The following SPIN1 variants were observed in gnomAD, a reference collection of about 807,000 sequenced individuals.
SPIN1 encodes spindlin-1.
Under a neutral mutation model 26.0 loss-of-function variants are expected in SPIN1, and 3 were observed. The observed-to-expected ratio is 0.12, with a 90% CI of 0.05 to 0.30. SPIN1 has a LOEUF of 0.30. Ranked by LOEUF, SPIN1 falls within the 10% of genes least tolerant of loss-of-function variation. The pLI is 1.00. For synonymous variants in SPIN1, 101 were observed against 116.5 expected, an observed-to-expected ratio of 0.87 and a Z score of 0.86; for missense variants, 126 against 333.4, an observed-to-expected ratio of 0.38 and a Z score of 4.84.
intron 1 of SPIN1, among the ~76,000 whole-genome samples, chr9:88,390,736 T>G (rs373897802): frequency 1.3e-5 from 2 of 152,230 alleles, no homozygotes; most frequent in East Asian, 3.8e-4. Flanking sequence ...AACAATATTC[T>G]GGAGTTAGAC....
chr9:88,400,145 C>T (rs1052835361), intron 1 of SPIN1, among the ~76,000 whole-genome samples: 6 of 152,178 alleles, frequency 3.9e-5, no homozygotes, highest in Non-Finnish European at 7.3e-5. Flanking sequence ...CTGTCTTCCT[C>T]AGAATCTGCC....
intron 2 of SPIN1, among the ~76,000 whole-genome samples, chr9:88,439,484 T>G (rs1162963793): frequency 6.6e-6 from 1 of 152,238 alleles, no homozygotes; most frequent in Non-Finnish European, 1.5e-5. Flanking sequence ...AAATAAATTT[T>G]GTGTTTAAAC....
chr9:88,416,354 C>T (rs1043039575), intron 1 of SPIN1, among the ~76,000 whole-genome samples: 3 of 151,920 alleles, frequency 2.0e-5, no homozygotes, highest in Non-Finnish European at 2.9e-5. Context: ...GATGGGGTCT[C>T]ATTCTGTCAC....
At chr9:88,398,266 A>AT (rs1288685734) in intron 1 of SPIN1, among the ~76,000 whole-genome samples, 2 of 151,704 alleles carry the variant, frequency 1.3e-5, no homozygotes, top group African/African-American at 4.8e-5. Flanking sequence ...AAGTTCTTGA[A>AT]TTTTTTTGAC....
chr9:88,442,529 G>A (rs1009091367), intron 2 of SPIN1, among the ~76,000 whole-genome samples: 1 of 151,078 alleles, frequency 6.6e-6, no homozygotes, highest in African/African-American at 2.4e-5. Flanking sequence ...TCAGCCTCCC[G>A]AGTAGCTGGG....
intron 1 of SPIN1, among the ~76,000 whole-genome samples, chr9:88,407,470 G>A (rs1827334900): frequency 6.6e-6 from 1 of 151,472 alleles, no homozygotes; most frequent in Non-Finnish European, 1.5e-5. Context: ...CTTCTGATGT[G>A]TACAGAATTC....
intron 2 of SPIN1, among the ~76,000 whole-genome samples, chr9:88,430,068 C>T (rs1474705295): frequency 1.3e-5 from 2 of 152,210 alleles, no homozygotes; most frequent in African/African-American, 4.8e-5. Context: ...GACAAATGCT[C>T]TGCTGCTTCT....
chr9:88,458,439 C>T (rs1302007518), intron 3 of SPIN1, among the ~76,000 whole-genome samples: 3 of 152,094 alleles, frequency 2.0e-5, no homozygotes, highest in Non-Finnish European at 4.4e-5. Flanking sequence ...GTATAATGCT[C>T]AAGAGGGAGG....
At chr9:88,393,384 T>C (rs1177564207) in intron 1 of SPIN1, among the ~76,000 whole-genome samples, 2 of 151,416 alleles carry the variant, frequency 1.3e-5, no homozygotes, top group Non-Finnish European at 2.9e-5. Context: ...TTTGAATTAC[T>C]GTTGCTTAAC....
intron 2 of SPIN1, among the ~76,000 whole-genome samples, chr9:88,439,730 TGCCCCC>T (rs1828079829): frequency 6.6e-6 from 1 of 152,226 alleles, no homozygotes; most frequent in African/African-American, 2.4e-5. Context: ...TTTTATGTAA[TGCCCCC>T]CTTTATCTTT....
At chr9:88,425,906 C>T (rs1827756017) in intron 1 of SPIN1, among the ~76,000 whole-genome samples, 1 of 152,108 alleles carries the variant, frequency 6.6e-6, no homozygotes, top group East Asian at 1.9e-4. Context: ...AACATGATTT[C>T]CTGTGCTGCC....
intron 3 of SPIN1, among the ~76,000 whole-genome samples, chr9:88,453,977 A>G (rs1587809049): frequency 2.0e-5 from 3 of 152,220 alleles, no homozygotes; most frequent in Admixed American, 1.3e-4. Flanking sequence ...CATTACACAG[A>G]TACCGGTTTA....
chr9:88,413,459 C>T (rs918354724), intron 1 of SPIN1, among the ~76,000 whole-genome samples: 11 of 152,018 alleles, frequency 7.2e-5, no homozygotes, highest in Non-Finnish European at 1.0e-4. Flanking sequence ...TTTTGGCTTA[C>T]TGCAACCTCA....
At chr9:88,413,065 GT>G (rs148350918) in intron 1 of SPIN1, among the ~76,000 whole-genome samples, 24,273 of 127,646 alleles carry the variant, frequency 0.19, 2,439 homozygotes, top group African/African-American at 0.38. Flanking sequence ...TTAAAATTAA[GT>G]TTTTTTTTTT....
rs139613026 is a variant in SPIN1 at position 88,461,847 on chromosome 9, G to A, written c.102-649G>A. Among the ~76,000 whole-genome samples the A allele has an allele frequency of 2.8e-3, 425 of 152,200 alleles. 2 individuals carry two copies. The highest frequency in any genetic ancestry group is 0.014 in the Middle Eastern group (4 of 294). On this transcript the variant is annotated intron_variant, in intron 3 of 5. Transcript: ENST00000375859. The stretch of plus-strand genomic sequence containing the variant: ...TAAGCCAGAAAAAAAGTAGTTTGAT[G>A]TTTCAATAATTTTTAATATTACATT...
At chr9:88,455,794 A>G (rs1272210703) in intron 3 of SPIN1, among the ~76,000 whole-genome samples, 5 of 152,278 alleles carry the variant, frequency 3.3e-5, no homozygotes, top group Admixed American at 2.0e-4. Flanking sequence ...GCTGGGCAAC[A>G]TAGTGAGACC....
In SPIN1 at chr9:88,473,871, A is replaced by G. The variant is rs956729102; in HGVS notation, c.590-1207A>G. Among the ~76,000 whole-genome samples the G allele has an allele frequency of 2.0e-5, 3 of 152,174 alleles. No individual in the cohort carries two copies. In the East Asian group the frequency reaches 5.8e-4, roughly 29 times the overall value. ...GCCACAAAAATATGGCAGTATGATGATACTGCTTAAGGGAAGAGAATTTTT... is the reference window on the plus strand; with the variant it reads ...GCCACAAAAATATGGCAGTATGATGGTACTGCTTAAGGGAAGAGAATTTTT... On this transcript the variant is annotated intron_variant, in intron 5 of 5. Coordinates refer to ENST00000375859, the MANE Select transcript of SPIN1 (RefSeq NM_006717.3).
chr9:88,455,356 T>C (rs891639089), intron 3 of SPIN1, among the ~76,000 whole-genome samples: 8 of 152,148 alleles, frequency 5.3e-5, no homozygotes, highest in African/African-American at 1.9e-4. Context: ...CTCGGGAGGC[T>C]GAGGCAGGAG....
chr9:88,423,038 G>A (rs983056379), intron 1 of SPIN1, among the ~76,000 whole-genome samples: 2 of 152,244 alleles, frequency 1.3e-5, no homozygotes, highest in African/African-American at 2.4e-5. Flanking sequence ...GGAGTTTTGC[G>A]TTCTAATATT....
Sources: allele counts gnomAD v4.1 joint callset (sites outside exome capture counted in the v4.1 genomes callset), GRCh38; gene constraint gnomAD v4.1.1; transcripts MANE v1.5; gene names NCBI Gene and HGNC (gene_info 2026-07-23, HGNC 2026-07-21).